Variants in TCF20 observed in about 807,000 individuals in gnomAD.
The protein encoded by TCF20 is transcription factor 20.
In TCF20, 3 loss-of-function variants were observed where a neutral mutation model predicts 148.6. The observed-to-expected ratio is 0.02, with a 90% CI of 0.01 to 0.05. The LOEUF (loss-of-function observed/expected upper bound fraction) is 0.05. Among genes scored for constraint, TCF20 ranks in the 10% least tolerant of loss-of-function variants. The pLI, the probability that TCF20 is intolerant of heterozygous loss-of-function variation, is 1.00. For missense variants in TCF20, 2,350 were observed against 2,429.3 expected, an observed-to-expected ratio of 0.97 and a Z score of 0.69; for synonymous variants, 1,049 against 909.5, an observed-to-expected ratio of 1.15 and a Z score of -2.76.
intron 1 of TCF20, among the ~76,000 whole-genome samples, chr22:42,246,547 G>A (rs1005545304): frequency 6.6e-6 from 1 of 152,192 alleles, no homozygotes; most frequent in Non-Finnish European, 1.5e-5. Context: ...TCTCGTACGT[G>A]TTTTTCTCTA....
At chr22:42,166,000 G>T (rs994436293) in intron 5 of TCF20, among the ~76,000 whole-genome samples, 1 of 152,178 alleles carries the variant, frequency 6.6e-6, no homozygotes, top group Non-Finnish European at 1.5e-5. Context: ...CCCCAGCATG[G>T]GGCCCAAGAT....
chr22:42,321,279 T>G (rs1241135825), intron 1 of TCF20, among the ~76,000 whole-genome samples: 1 of 152,152 alleles, frequency 6.6e-6, no homozygotes, highest in Non-Finnish European at 1.5e-5. Context: ...TGTGGCTCAC[T>G]GGACACGGCC....
intron 2 of TCF20, among the ~76,000 whole-genome samples, chr22:42,198,104 G>C (rs191387274): frequency 1.1e-4 from 17 of 152,114 alleles, no homozygotes; most frequent in Admixed American, 9.8e-4. Flanking sequence ...CTCAATAAAA[G>C]TGCGGTACTT....
At chr22:42,207,903 T>C (rs1443106587) in intron 2 of TCF20, among the ~76,000 whole-genome samples, 1 of 152,204 alleles carries the variant, frequency 6.6e-6, no homozygotes, top group Non-Finnish European at 1.5e-5. Flanking sequence ...AAAATTATAG[T>C]ACAGGCCAAG....
rs1927219163 is a variant in TCF20 at position 42,295,520 on chromosome 22, T to C, written c.-37+47959A>G. Among the ~76,000 whole-genome samples, 5 of 151,220 alleles carry C rather than the reference T, an allele frequency of 3.3e-5. No individual in the cohort carries two copies. In the South Asian group the frequency reaches 1.0e-3, roughly 32 times the overall value. On this transcript the variant is annotated intron_variant, in intron 1 of 1. Coordinates refer to the TCF20 transcript ENST00000515426. The stretch of plus-strand genomic sequence containing the variant: ...GTGCAATGGCACAATCTCGGCTCAC[T>C]GCAACCTCCGCCTCCCAGGTTCAAG...
At position 42,211,288 on chromosome 22, in the gene TCF20, T is replaced by C; in HGVS notation, c.4018A>G (p.Lys1340Glu). 6.2e-7 allele frequency: 1 copy of C among 1,614,224 alleles called. No homozygotes were observed. Among genetic ancestry groups the C allele is most frequent in the East Asian group, 2.2e-5 (1 of 44,880 alleles). The change falls in exon 2 of 6, where the codon AAA becomes GAA. Residue 1340 changes from lysine to glutamate, a missense_variant. Physicochemically the swap from Lys to Glu is moderately conservative, Grantham distance 56. This residue lies in a region of TCF20 where 1,641 missense variants were observed against 1,662.6 expected (regional missense o/e 0.99). Transcript: ENST00000677622. ...AVTLTSPAKT[K>E]ILPPRKGRGL... The stretch of plus-strand genomic sequence containing the variant: ...CGTCCTTTCCGTGGGGGCAGTATTT[T>C]GGTCTTAGCAGGGCTTGTGAGGGTA...
At chr22:42,238,036 G>A (rs1924036314) in intron 1 of TCF20, among the ~76,000 whole-genome samples, 1 of 152,194 alleles carries the variant, frequency 6.6e-6, no homozygotes, top group Non-Finnish European at 1.5e-5. Context: ...CCTGTCTTTT[G>A]AAGCCAGGCA....
At chr22:42,331,059 G>A (rs1240347962) in intron 1 of TCF20, among the ~76,000 whole-genome samples, 3 of 152,236 alleles carry the variant, frequency 2.0e-5, no homozygotes, top group African/African-American at 7.2e-5. Flanking sequence ...CTGGGCATGC[G>A]GTTGCACTGC....
At chr22:42,309,301 G>A (rs1292594491) in intron 1 of TCF20, among the ~76,000 whole-genome samples, 1 of 152,038 alleles carries the variant, frequency 6.6e-6, no homozygotes, top group Non-Finnish European at 1.5e-5. Context: ...TGTCAGCTGG[G>A]AGGGGACACT....
At chr22:42,283,444 CT>C (rs1296066942) in intron 1 of TCF20, among the ~76,000 whole-genome samples, 2 of 151,840 alleles carry the variant, frequency 1.3e-5, no homozygotes, top group Admixed American at 1.3e-4. Flanking sequence ...CACTCGGCCC[CT>C]GGGACTGTGA....
intron 1 of TCF20, among the ~76,000 whole-genome samples, chr22:42,238,707 G>A (rs996474414): frequency 2.0e-5 from 3 of 152,212 alleles, no homozygotes; most frequent in African/African-American, 7.2e-5. Context: ...TGAGGAGGTG[G>A]TGAGATGGGG....
At chr22:42,326,152 C>T (rs1484624420) in intron 1 of TCF20, among the ~76,000 whole-genome samples, 1 of 152,124 alleles carries the variant, frequency 6.6e-6, no homozygotes, top group East Asian at 1.9e-4. Context: ...CAGCTAACCA[C>T]TGACCAGTCA....
At chr22:42,314,190 G>C (rs1244382939) in intron 1 of TCF20, among the ~76,000 whole-genome samples, 3 of 152,228 alleles carry the variant, frequency 2.0e-5, no homozygotes, top group African/African-American at 7.2e-5. Context: ...CTAACCCAAG[G>C]ACCTGAAGAT....
rs188901163 is a variant in TCF20 at position 42,317,652 on chromosome 22, G to A, written c.-37+25827C>T. 3.3e-5 allele frequency among the ~76,000 whole-genome samples: 5 copies of A among 152,258 alleles called. No homozygotes were observed. Among genetic ancestry groups the A allele is most frequent in the Admixed American group, 6.5e-5 (1 of 15,292 alleles). Reference sequence around the variant, plus strand: ...CTCCTGCATTCCCGCTGGGGGCTGGGGGGGAAAGGGGTGTAGACTCAGCCG... The same window carrying A: ...CTCCTGCATTCCCGCTGGGGGCTGGAGGGGAAAGGGGTGTAGACTCAGCCG... On this transcript the variant is annotated intron_variant, in intron 1 of 1. Coordinates refer to the TCF20 transcript ENST00000515426. This position sits in a 1 kb window ranked among gnomAD's most constrained non-coding sequence, Gnocchi z 4.2.
At chr22:42,255,514 ACAACAACAACAACAAAAC>A (rs957823752) in intron 1 of TCF20, among the ~76,000 whole-genome samples, 2 of 151,190 alleles carry the variant, frequency 1.3e-5, no homozygotes, top group African/African-American at 4.9e-5. Context: ...AACAACAACA[ACAACAACAACAACAAAAC>A]CACATTATTT....
At chr22:42,236,968 A>AGG (rs957358566) in intron 1 of TCF20, among the ~76,000 whole-genome samples, 11 of 152,296 alleles carry the variant, frequency 7.2e-5, no homozygotes, top group Admixed American at 7.2e-4. Flanking sequence ...TTGCTGACGG[A>AGG]GGGTCTTGCC....
intron 3 of TCF20, among the ~76,000 whole-genome samples, chr22:42,177,245 T>A (rs1168528215): frequency 6.6e-6 from 1 of 151,960 alleles, no homozygotes; most frequent in African/African-American, 2.4e-5. Context: ...CAAAACCCCG[T>A]CTCTACTAAA....
At chr22:42,174,285 C>A (rs1028725923) in intron 3 of TCF20, among the ~76,000 whole-genome samples, 1 of 152,226 alleles carries the variant, frequency 6.6e-6, no homozygotes, top group Non-Finnish European at 1.5e-5. Context: ...TTTGTGGTTA[C>A]CACATTGGAG....
In TCF20 at chr22:42,317,487, C is replaced by T. The variant is rs1436681118; in HGVS notation, c.-37+25992G>A. ...CTGGCCCACCAAGCCCACCTAGGCC[C>T]TTCCCCAGTGTCACCTCATTACCCA... On this transcript the variant is annotated intron_variant, in intron 1 of 1. Transcript: ENST00000515426. The surrounding 1 kb of genome is among the most constrained non-coding windows in gnomAD (Gnocchi z 4.2). Among the ~76,000 whole-genome samples the T allele has an allele frequency of 6.6e-6, 1 of 152,188 alleles. No individual in the cohort carries two copies. The highest frequency in any genetic ancestry group is 1.5e-5 in the Non-Finnish European group (1 of 68,030).
Sources: allele counts gnomAD v4.1 joint callset (sites outside exome capture counted in the v4.1 genomes callset), GRCh38; gene constraint gnomAD v4.1.1; regional missense constraint gnomAD v4.1.1; non-coding constraint Gnocchi (gnomAD v3.1); transcripts MANE v1.5; gene names NCBI Gene and HGNC (gene_info 2026-07-23, HGNC 2026-07-21).